Variants in MAF observed in about 807,000 individuals in gnomAD.
MAF encodes transcription factor Maf.
In MAF, 10 loss-of-function variants were observed where a neutral mutation model predicts 22.0. The observed-to-expected ratio is 0.45, with a 90% CI of 0.28 to 0.77. MAF has a LOEUF of 0.77. Ranked by LOEUF, MAF falls within the 30% of genes least tolerant of loss-of-function variation. The pLI is 0.12. For missense variants in MAF, 544 were observed against 548.4 expected (o/e 0.99, Z 0.08); for synonymous variants, 337 against 255.8 (o/e 1.32, Z -3.03).
chr16:79,448,755 T>A, the MAF span, among the ~76,000 whole-genome samples: 13 of 146,618 alleles, frequency 8.9e-5, no homozygotes, highest in East Asian at 1.2e-3. Flanking sequence ...TATATACATT[T>A]AAAAAAAAAA....
the MAF span, among the ~76,000 whole-genome samples, chr16:79,242,449 G>C: frequency 1.3e-5 from 2 of 150,866 alleles, no homozygotes; most frequent in African/African-American, 4.9e-5. Flanking sequence ...GATCAAAAGA[G>C]ACAAAGAAGG....
the MAF span, among the ~76,000 whole-genome samples, chr16:79,440,564 T>C: frequency 6.6e-6 from 1 of 152,168 alleles, no homozygotes; most frequent in South Asian, 2.1e-4. Flanking sequence ...CTCTCCTGAG[T>C]AGCTGGAACT....
the MAF span, among the ~76,000 whole-genome samples, chr16:79,244,707 GA>G: frequency 4.6e-5 from 7 of 152,066 alleles, no homozygotes; most frequent in African/African-American, 1.4e-4. Context: ...CACAGAATTA[GA>G]AAAAACTACC....
At chr16:79,225,184 A>G in the MAF span, among the ~76,000 whole-genome samples, 1 of 152,218 alleles carries the variant, frequency 6.6e-6, no homozygotes, top group African/African-American at 2.4e-5. Context: ...ATGGAACAGA[A>G]CAAAGGCCTC....
the MAF span, among the ~76,000 whole-genome samples, chr16:79,417,748 T>C: frequency 1.3e-5 from 2 of 152,140 alleles, no homozygotes; most frequent in Admixed American, 6.5e-5. Context: ...TGACCAAATA[T>C]CAGGAGCTTA....
the MAF span, among the ~76,000 whole-genome samples, chr16:79,563,102 C>T: frequency 2.3e-5 from 3 of 130,028 alleles, no homozygotes; most frequent in East Asian, 4.4e-4. Context: ...GCAGAACTTA[C>T]GCTCAGGAGG....
chr16:79,565,404 T>C, the MAF span, among the ~76,000 whole-genome samples: 1 of 152,134 alleles, frequency 6.6e-6, no homozygotes, highest in East Asian at 1.9e-4. Context: ...GACTATGATA[T>C]CACAACTCTC....
chr16:79,514,020 AAT>A, the MAF span, among the ~76,000 whole-genome samples: 2 of 152,206 alleles, frequency 1.3e-5, no homozygotes, highest in Non-Finnish European at 2.9e-5. Flanking sequence ...AGGAACATTT[AAT>A]ATCTGTTCTC....
chr16:79,254,194 C>T, the MAF span, among the ~76,000 whole-genome samples: 1 of 152,048 alleles, frequency 6.6e-6, no homozygotes, highest in South Asian at 2.1e-4. Context: ...TCAACATTTT[C>T]GAATAATTTT....
the MAF span, among the ~76,000 whole-genome samples, chr16:79,262,864 A>G: frequency 6.6e-6 from 1 of 152,220 alleles, no homozygotes; most frequent in Non-Finnish European, 1.5e-5. Flanking sequence ...GGGGTGCAGA[A>G]ATAACCGTAG....
the MAF span, among the ~76,000 whole-genome samples, chr16:79,503,794 T>G: frequency 1.3e-5 from 2 of 152,240 alleles, no homozygotes; most frequent in African/African-American, 4.8e-5. Context: ...GTTTCTGCCT[T>G]ATGGTTACTC....
the MAF span, among the ~76,000 whole-genome samples, chr16:79,333,388 A>T: frequency 0.012 from 1,757 of 152,154 alleles, 24 homozygotes; most frequent in African/African-American, 0.039. Flanking sequence ...TTTGCAGGGG[A>T]GAGTTCTGTA....
chr16:79,203,968 C>G, the MAF span: 1 of 152,114 alleles, frequency 6.6e-6, no homozygotes, highest in Non-Finnish European at 1.5e-5. Flanking sequence ...TATAAACACC[C>G]AGCAGTCCTT....
At chr16:79,235,819 A>G in the MAF span, among the ~76,000 whole-genome samples, 1 of 152,082 alleles carries the variant, frequency 6.6e-6, no homozygotes, top group Non-Finnish European at 1.5e-5. Context: ...TAGTAGCAGT[A>G]ATGGTTGTGA....
chr16:79,416,261 G>C, the MAF span, among the ~76,000 whole-genome samples: 1 of 152,094 alleles, frequency 6.6e-6, no homozygotes, highest in Non-Finnish European at 1.5e-5. Context: ...TGGAGTTCTT[G>C]GGGATTGAGG....
Position 79,594,219 on chromosome 16 carries a change from T to C in MAF, c.*241A>G. 1 of 503,694 alleles carries C rather than the reference T, an allele frequency of 2.0e-6. No individual in the cohort carries two copies. Among genetic ancestry groups the C allele is most frequent in the East Asian group, 3.3e-5 (1 of 30,366 alleles). The allele number at this position is 503,694 out of a possible 1,614,324, so 31.2% of individuals were successfully genotyped here. On this transcript the variant is annotated 3_prime_UTR_variant, in exon 2 of 2. Transcript: ENST00000326043. The stretch of plus-strand genomic sequence containing the variant: ...AACTAGTATGGCAGGTTGAAAGCAA[T>C]GCACCTGTTTACTTGCACACACCAT...
At chr16:79,581,430 C>T (rs1912509490), downstream of MAF, among the ~76,000 whole-genome samples, 1 of 152,114 alleles carries the variant, frequency 6.6e-6, no homozygotes, top group Non-Finnish European at 1.5e-5. Flanking sequence ...CGTTAGAATC[C>T]CTTTAAATAA....
At chr16:79,482,041 C>A in the MAF span, among the ~76,000 whole-genome samples, 1 of 152,076 alleles carries the variant, frequency 6.6e-6, no homozygotes, top group African/African-American at 2.4e-5. Flanking sequence ...GGGATGAGGC[C>A]TGCAGGGGTT....
At chr16:79,338,219 G>A in the MAF span, among the ~76,000 whole-genome samples, 3 of 152,302 alleles carry the variant, frequency 2.0e-5, no homozygotes, top group Non-Finnish European at 2.9e-5. Flanking sequence ...CCCATGATAC[G>A]TGTGGAAGAA....
Sources: gnomAD v4.1 joint callset for allele counts (sites outside exome capture counted in the v4.1 genomes callset) on GRCh38, gnomAD v4.1.1 for gene constraint, MANE v1.5 for transcripts, NCBI Gene and HGNC (gene_info 2026-07-23, HGNC 2026-07-21) for gene names.